The following TFEC variants were observed in gnomAD, a reference collection of about 807,000 sequenced individuals.
TFEC encodes class E basic helix-loop-helix protein 34.
TFEC carries 31 observed loss-of-function variants against 41.6 expected under a neutral mutation model. That is an observed-to-expected ratio of 0.74 (90% CI 0.56 to 1.01). The LOEUF (loss-of-function observed/expected upper bound fraction) is 1.01. TFEC is among the 50% of genes least tolerant of loss of function. The pLI is 0.00. For missense variants in TFEC, 402 were observed against 404.1 expected (o/e 0.99, Z 0.04); for synonymous variants, 143 against 140.6 (o/e 1.02, Z -0.12).
chr7:116,147,464 T>G (rs1349331116), intron 1 of TFEC, among the ~76,000 whole-genome samples: 1 of 152,200 alleles, frequency 6.6e-6, no homozygotes, highest in Non-Finnish European at 1.5e-5. Context: ...TGCAGGTTTA[T>G]TACATATGTA....
At chr7:116,025,064 T>C (rs1795537458) in intron 1 of TFEC, among the ~76,000 whole-genome samples, 1 of 152,166 alleles carries the variant, frequency 6.6e-6, no homozygotes, top group South Asian at 2.1e-4. Context: ...CAGTGTTTCA[T>C]ATAAAAACAA....
chr7:116,084,131 T>TA (rs1170483676), intron 3 of TFEC, among the ~76,000 whole-genome samples: 1 of 152,052 alleles, frequency 6.6e-6, no homozygotes, highest in East Asian at 1.9e-4. Context: ...GGGATTCTCC[T>TA]ACTCTGACAC....
chr7:116,010,168 T>C (rs1358073308), intron 1 of TFEC, among the ~76,000 whole-genome samples: 1 of 152,172 alleles, frequency 6.6e-6, no homozygotes, highest in Non-Finnish European at 1.5e-5. Flanking sequence ...AAAGGGGCTG[T>C]AGAGGCTAGT....
chr7:116,138,726 A>G (rs757996396), intron 1 of TFEC, among the ~76,000 whole-genome samples: 2 of 152,232 alleles, frequency 1.3e-5, no homozygotes, highest in Non-Finnish European at 2.9e-5. Flanking sequence ...GACTCTTAAC[A>G]CAACTTTTAA....
intron 1 of TFEC, among the ~76,000 whole-genome samples, chr7:116,017,114 C>T (rs1334263999): frequency 6.6e-6 from 1 of 152,186 alleles, no homozygotes; most frequent in Non-Finnish European, 1.5e-5. Flanking sequence ...CTTCCAGTTT[C>T]CTCCAACCCT....
intron 3 of TFEC, among the ~76,000 whole-genome samples, chr7:116,089,111 A>G (rs752990766): frequency 1.2e-4 from 19 of 152,098 alleles, no homozygotes; most frequent in Admixed American, 6.6e-4. Context: ...TTAAATCTAT[A>G]GCAACTAGAA....
intron 3 of TFEC, among the ~76,000 whole-genome samples, chr7:116,038,905 G>A (rs1003892993): frequency 4.6e-5 from 7 of 152,062 alleles, no homozygotes; most frequent in Admixed American, 3.3e-4. Flanking sequence ...GTTACTCAAG[G>A]ACACAGGATA....
intron 3 of TFEC, among the ~76,000 whole-genome samples, chr7:116,087,750 T>G (rs1797233787): frequency 6.6e-6 from 1 of 152,042 alleles, no homozygotes; most frequent in Non-Finnish European, 1.5e-5. Flanking sequence ...AAAAACCTAC[T>G]ATTAATGAAA....
intron 1 of TFEC, among the ~76,000 whole-genome samples, chr7:116,142,540 T>C (rs762073278): frequency 1.3e-5 from 2 of 152,102 alleles, no homozygotes; most frequent in Non-Finnish European, 2.9e-5. Flanking sequence ...ACCCAGATAT[T>C]TGGAATTGAA....
chr7:116,138,112 T>C (rs964630232), intron 1 of TFEC, among the ~76,000 whole-genome samples: 1 of 152,150 alleles, frequency 6.6e-6, no homozygotes, highest in Non-Finnish European at 1.5e-5. Flanking sequence ...CCAATGTTGA[T>C]AATGAGATAT....
intron 3 of TFEC, among the ~76,000 whole-genome samples, chr7:116,038,832 C>CA (rs1331449365): frequency 6.6e-6 from 1 of 152,036 alleles, no homozygotes; most frequent in African/African-American, 2.4e-5. Context: ...GTGTTAAAAA[C>CA]AAAATGTTAC....
intron 3 of TFEC, among the ~76,000 whole-genome samples, chr7:116,057,530 TAGAC>T (rs1022471998): frequency 1.9e-4 from 29 of 152,082 alleles, no homozygotes; most frequent in Non-Finnish European, 3.7e-4. Flanking sequence ...AAGGAAGTTT[TAGAC>T]AGACAGATAT....
intron 3 of TFEC, among the ~76,000 whole-genome samples, chr7:116,105,555 T>C (rs1797698834): frequency 6.6e-6 from 1 of 152,302 alleles, no homozygotes; most frequent in South Asian, 2.1e-4. Context: ...GCCTGGGCTC[T>C]GTGGGTGAGA....
chr7:115,981,285 A>G (rs914756003), intron 2 of TFEC, among the ~76,000 whole-genome samples: 5 of 152,126 alleles, frequency 3.3e-5, no homozygotes, highest in Non-Finnish European at 7.3e-5. Flanking sequence ...ATGTCTTTCA[A>G]CACCCAACTC....
intron 3 of TFEC, among the ~76,000 whole-genome samples, chr7:116,059,156 C>T (rs1488588885): frequency 4.5e-4 from 68 of 151,646 alleles, no homozygotes; most frequent in African/African-American, 2.4e-5. Context: ...ACAAATCACC[C>T]AATAAGGAAT....
At chr7:115,974,122 T>C (rs755074115) in intron 3 of TFEC, 48 bp downstream of exon 3, 3 of 1,420,868 alleles carry the variant, frequency 2.1e-6, no homozygotes, top group Non-Finnish European at 1.9e-6. Context: ...ATTATCAGAG[T>C]GTATTCATTT....
At chr7:116,093,766 G>A (rs1797383252) in intron 3 of TFEC, among the ~76,000 whole-genome samples, 1 of 152,154 alleles carries the variant, frequency 6.6e-6, no homozygotes, top group East Asian at 1.9e-4. Flanking sequence ...GTGTATGTTA[G>A]GAAAATATAT....
chr7:116,012,116 T>C (rs536854524), intron 1 of TFEC, among the ~76,000 whole-genome samples: 2 of 152,340 alleles, frequency 1.3e-5, no homozygotes, highest in African/African-American at 4.8e-5. Context: ...TTTAGAAGCT[T>C]AAGGCCCTCT....
At chr7:115,975,364 A>G (rs1406236869) in intron 2 of TFEC, among the ~76,000 whole-genome samples, 1 of 152,118 alleles carries the variant, frequency 6.6e-6, no homozygotes, top group Non-Finnish European at 1.5e-5. Context: ...ATTTCCCATG[A>G]TATATGCAGA....
Sources: allele counts gnomAD v4.1 joint callset (sites outside exome capture counted in the v4.1 genomes callset), GRCh38; gene constraint gnomAD v4.1.1; transcripts MANE v1.5; gene names NCBI Gene and HGNC (gene_info 2026-07-23, HGNC 2026-07-21).